Variants in DLGAP1 observed in about 807,000 individuals in gnomAD.
The protein encoded by DLGAP1 is disks large-associated protein 1.
In DLGAP1, 11 loss-of-function variants were observed where a neutral mutation model predicts 90.8. That is an observed-to-expected ratio of 0.12 (90% CI 0.08 to 0.20). The LOEUF (loss-of-function observed/expected upper bound fraction) is 0.20. Ranked by LOEUF, DLGAP1 falls within the 10% of genes least tolerant of loss-of-function variation. The probability of loss-of-function intolerance (pLI) is 1.00; values close to 1 mark genes in which losing one functional copy is unlikely to be tolerated. For synonymous variants in DLGAP1, 558 were observed against 540.7 expected (o/e 1.03, Z -0.44); for missense variants, 1,050 against 1,333.8 (o/e 0.79, Z 3.31).
At chr18:3,543,387 G>A (rs994280799) in intron 9 of DLGAP1, among the ~76,000 whole-genome samples, 5 of 151,994 alleles carry the variant, frequency 3.3e-5, no homozygotes, top group African/African-American at 7.3e-5. Flanking sequence ...GGATGGTCTC[G>A]ATCTCCTGAC....
At chr18:4,361,510 T>G (rs1360157134) in intron 1 of DLGAP1, among the ~76,000 whole-genome samples, 2 of 152,198 alleles carry the variant, frequency 1.3e-5, no homozygotes, top group Non-Finnish European at 2.9e-5. Flanking sequence ...AAAACTGGAC[T>G]GTCTTTTAAA....
intron 1 of DLGAP1, among the ~76,000 whole-genome samples, chr18:4,335,559 C>A (rs1224671576): frequency 6.7e-6 from 1 of 149,604 alleles, no homozygotes; most frequent in Non-Finnish European, 1.5e-5. Context: ...ATGGGAAGTC[C>A]TGTGGTTTCA....
At chr18:3,793,808 T>A (rs1347208054) in intron 5 of DLGAP1, among the ~76,000 whole-genome samples, 1 of 152,200 alleles carries the variant, frequency 6.6e-6, no homozygotes, top group Non-Finnish European at 1.5e-5. Flanking sequence ...CCTGACACTA[T>A]CCCCTTGTGA....
intron 6 of DLGAP1, among the ~76,000 whole-genome samples, chr18:3,741,240 CCAT>C (rs1247680838): frequency 2.4e-5 from 3 of 123,332 alleles, no homozygotes; most frequent in East Asian, 4.9e-4. Context: ...ACCACCACCA[CCAT>C]CACCATCACC....
At chr18:4,090,050 A>G (rs1350677598) in intron 2 of DLGAP1, among the ~76,000 whole-genome samples, 2 of 152,120 alleles carry the variant, frequency 1.3e-5, no homozygotes, top group African/African-American at 4.8e-5. Context: ...GTCTAAAAAA[A>G]AAGAAAGAAA....
chr18:3,954,227 C>T (rs1460143260), intron 3 of DLGAP1, among the ~76,000 whole-genome samples: 8 of 152,126 alleles, frequency 5.3e-5, no homozygotes, highest in South Asian at 4.2e-4. Flanking sequence ...AGTTATCTTC[C>T]TAAAAACATA....
At chr18:3,979,337 T>A (rs2073672712) in intron 3 of DLGAP1, among the ~76,000 whole-genome samples, 1 of 152,218 alleles carries the variant, frequency 6.6e-6, no homozygotes, top group African/African-American at 2.4e-5. Context: ...TGCAGCCTAG[T>A]AGCAATGTGC....
At chr18:4,189,730 A>T (rs570757168) in intron 1 of DLGAP1, among the ~76,000 whole-genome samples, 18 of 152,330 alleles carry the variant, frequency 1.2e-4, no homozygotes, top group African/African-American at 4.3e-4. Flanking sequence ...AACTACAATG[A>T]TTAAGACAGT....
intron 1 of DLGAP1, among the ~76,000 whole-genome samples, chr18:4,288,766 A>G (rs1435561586): frequency 6.6e-6 from 1 of 152,146 alleles, no homozygotes; most frequent in East Asian, 1.9e-4. Context: ...TCGGCTCATC[A>G]TCTGCCTCCG....
chr18:3,909,385 G>C (rs1015477557), intron 3 of DLGAP1, among the ~76,000 whole-genome samples: 1 of 152,082 alleles, frequency 6.6e-6, no homozygotes, highest in Admixed American at 6.5e-5. Flanking sequence ...CTGCACTTTT[G>C]TATCACATTA....
intron 1 of DLGAP1, among the ~76,000 whole-genome samples, chr18:4,329,648 A>T (rs1168638589): frequency 6.6e-6 from 1 of 151,964 alleles, no homozygotes; most frequent in African/African-American, 2.4e-5. Flanking sequence ...TCTCTCCGTC[A>T]TTGAGTTCTT....
intron 4 of DLGAP1, among the ~76,000 whole-genome samples, chr18:3,859,541 C>A (rs762068703): frequency 1.2e-4 from 18 of 151,876 alleles, no homozygotes; most frequent in African/African-American, 4.4e-4. Flanking sequence ...TCAAGTGGGC[C>A]CAATATAATC....
intron 1 of DLGAP1, among the ~76,000 whole-genome samples, chr18:4,377,266 G>GGA: frequency 6.6e-6 from 1 of 152,168 alleles, no homozygotes; most frequent in Non-Finnish European, 1.5e-5. Flanking sequence ...CTTGCAAACT[G>GGA]GAGAGAGCAT....
chr18:4,136,983 T>C (rs1338954716), intron 2 of DLGAP1, among the ~76,000 whole-genome samples: 1 of 152,126 alleles, frequency 6.6e-6, no homozygotes, highest in Non-Finnish European at 1.5e-5. Context: ...ATGTGCCATG[T>C]TGGTGTGCTG....
In DLGAP1 at chr18:3,565,289, C is replaced by A. The variant is rs1257794745; in HGVS notation, c.2057+2201G>T. Among the ~76,000 whole-genome samples, 1 of 152,012 alleles carries A rather than the reference C, an allele frequency of 6.6e-6. No homozygotes were observed. The highest frequency in any genetic ancestry group is 1.5e-5 in the Non-Finnish European group (1 of 68,028). On this transcript the variant is annotated intron_variant, in intron 9 of 12. Coordinates refer to ENST00000315677, the MANE Select transcript of DLGAP1 (RefSeq NM_004746.4). The surrounding 1 kb of genome is among the most constrained non-coding windows in gnomAD (Gnocchi z 4.0). ...TCAGCCTCCCGAGTTCCTGGGATTA[C>A]AGGAACCCACCACCACGCACAGCTA...
At chr18:3,901,896 A>G (rs1294272869) in intron 3 of DLGAP1, among the ~76,000 whole-genome samples, 1 of 152,194 alleles carries the variant, frequency 6.6e-6, no homozygotes, top group Non-Finnish European at 1.5e-5. Flanking sequence ...TCAGTTGGCC[A>G]ACAGACCCCT....
intron 1 of DLGAP1, among the ~76,000 whole-genome samples, chr18:4,172,577 A>C (rs2077042239): frequency 6.6e-6 from 1 of 152,180 alleles, no homozygotes; most frequent in African/African-American, 2.4e-5. Context: ...TATTGAGCCT[A>C]CCCATCAAAT....
intron 1 of DLGAP1, among the ~76,000 whole-genome samples, chr18:4,277,962 G>A (rs2079453565): frequency 6.6e-6 from 1 of 151,724 alleles, no homozygotes; most frequent in Non-Finnish European, 1.5e-5. Context: ...CCTTTACTTA[G>A]GAACCTGAAA....
intron 10 of DLGAP1, among the ~76,000 whole-genome samples, chr18:3,510,669 T>A (rs1035573711): frequency 2.0e-5 from 3 of 152,184 alleles, no homozygotes; most frequent in African/African-American, 7.2e-5. Context: ...TGGGAGGTTA[T>A]GACCAGGGTA....
Sources: gnomAD v4.1 joint callset for allele counts (sites outside exome capture counted in the v4.1 genomes callset) on GRCh38, gnomAD v4.1.1 for gene constraint, Gnocchi (gnomAD v3.1) non-coding constraint, MANE v1.5 for transcripts, NCBI Gene and HGNC (gene_info 2026-07-23, HGNC 2026-07-21) for gene names.